The following PLEKHA7 variants were observed in gnomAD, a reference collection of about 807,000 sequenced individuals.
PLEKHA7 encodes pleckstrin homology domain-containing family A member 7.
A neutral mutation model predicts 170.0 loss-of-function variants in PLEKHA7; 104 were observed. That is an observed-to-expected ratio of 0.61 (90% CI 0.52 to 0.72). The LOEUF (loss-of-function observed/expected upper bound fraction) is 0.72, where lower values mean the gene tolerates loss of function less well. Ranked by LOEUF, PLEKHA7 falls within the 30% of genes least tolerant of loss-of-function variation. PLEKHA7 has a pLI of 0.00. For synonymous variants in PLEKHA7, 648 were observed against 660.8 expected, an observed-to-expected ratio of 0.98 and a Z score of 0.30; for missense variants, 1,615 against 1,671.7, an observed-to-expected ratio of 0.97 and a Z score of 0.59.
intron 3 of PLEKHA7, among the ~76,000 whole-genome samples, chr11:16,998,087 C>A (rs1346234140): frequency 6.6e-6 from 1 of 152,208 alleles, no homozygotes; most frequent in African/African-American, 2.4e-5. Flanking sequence ...GATAACCGTA[C>A]CTACCTTATA....
intron 3 of PLEKHA7, among the ~76,000 whole-genome samples, chr11:16,887,150 T>C (rs1856174492): frequency 6.6e-6 from 1 of 152,098 alleles, no homozygotes; most frequent in South Asian, 2.1e-4. Context: ...AATGAAAATT[T>C]CATTGAAGGA....
intron 6 of PLEKHA7, among the ~76,000 whole-genome samples, chr11:16,853,005 CAG>C (rs1853108658): frequency 1.3e-5 from 2 of 152,186 alleles, no homozygotes; most frequent in Non-Finnish European, 2.9e-5. Context: ...GGCAGGAAAA[CAG>C]AATGTTTTGG....
Position 16,791,083 on chromosome 11 carries a change from C to T in PLEKHA7, c.2862G>A (p.Arg954=), listed in dbSNP as rs1847816587. Residue 954 remains arginine, a synonymous_variant, in exon 20 of 27, where the codon CGG becomes CGA. Transcript: ENST00000531066. The surrounding 1 kb of genome is among the most constrained non-coding windows in gnomAD (Gnocchi z 4.5). ...EATIIRHTSV[R]GLKRQSDERK... is the part of the protein sequence containing the mutation. ...TCTCGTCTGACTGCCGCTTGAGGCCCCGCACAGATGTGTGCCGGATGATGG... is the reference window on the plus strand; with the variant it reads ...TCTCGTCTGACTGCCGCTTGAGGCCTCGCACAGATGTGTGCCGGATGATGG... 6.2e-7 allele frequency: 1 copy of T among 1,614,058 alleles called. No homozygotes were observed. Among genetic ancestry groups the T allele is most frequent in the African/African-American group, 1.3e-5 (1 of 74,926 alleles).
rs528036059 is a variant in PLEKHA7, at chr11:16,960,537, G to A, written c.221+53452C>T. 2.0e-5 allele frequency among the ~76,000 whole-genome samples: 3 copies of A among 152,152 alleles called. No individual in the cohort carries two copies. In the South Asian group the frequency reaches 6.2e-4, roughly 32 times the overall value. On this transcript the variant is annotated intron_variant, in intron 3 of 26. Transcript: ENST00000531066. ...CACAGATGAGGCAAGCGTCGCCCTA[G>A]GGGTTCTAGGAAGGCCCTTCCCTCA...
At chr11:16,810,591 C>G in intron 13 of PLEKHA7, among the ~76,000 whole-genome samples, 1 of 152,316 alleles carries the variant, frequency 6.6e-6, no homozygotes, top group South Asian at 2.1e-4. Context: ...GGTATCAACA[C>G]AGTTGTTTTC....
chr11:17,013,947 C>G (rs746448436), intron 3 of PLEKHA7, 42 bp downstream of exon 3: 20 of 1,358,796 alleles, frequency 1.5e-5, no homozygotes, highest in Non-Finnish European at 1.8e-5. Context: ...GGGACCCCCC[C>G]CCCGCGGCAC....
intron 3 of PLEKHA7, chr11:16,974,934 T>C: frequency 1.3e-6 from 1 of 774,422 alleles, no homozygotes; most frequent in African/African-American, 3.9e-5. Flanking sequence ...CTTGCCCTTC[T>C]TGTACTGTGT....
intron 3 of PLEKHA7, among the ~76,000 whole-genome samples, chr11:16,892,855 GT>G (rs1856755686): frequency 6.6e-6 from 1 of 152,112 alleles, no homozygotes; most frequent in Admixed American, 6.5e-5. Flanking sequence ...ACTTCTGACA[GT>G]TCTGGAGGCT....
intron 21 of PLEKHA7, chr11:16,790,531 T>C (rs953999598): frequency 4.6e-6 from 2 of 439,202 alleles, no homozygotes; most frequent in African/African-American, 2.0e-5. Context: ...ATCATGTCTA[T>C]ATAAAGTGCT....
intron 23 of PLEKHA7, 151 bp downstream of exon 23, chr11:16,788,945 G>T (rs747518336): frequency 2.0e-6 from 2 of 977,534 alleles, no homozygotes; most frequent in South Asian, 1.6e-5. Flanking sequence ...AGCCTGGGTC[G>T]TGGACAAACA....
At chr11:16,831,424 C>A (rs180686766) in intron 9 of PLEKHA7, among the ~76,000 whole-genome samples, 391 of 152,296 alleles carry the variant, frequency 2.6e-3, no homozygotes, top group Non-Finnish European at 3.7e-3. Context: ...AAGCACCCCT[C>A]GGCCGTCAAT....
chr11:16,864,665 G>A (rs1364807316), intron 4 of PLEKHA7, among the ~76,000 whole-genome samples: 1 of 152,142 alleles, frequency 6.6e-6, no homozygotes, highest in Admixed American at 6.5e-5. Flanking sequence ...TTATAAAGGG[G>A]AGTTCCCCTG....
chr11:16,824,285 G>A (rs762091500), intron 10 of PLEKHA7, among the ~76,000 whole-genome samples: 19 of 152,212 alleles, frequency 1.2e-4, no homozygotes, highest in Admixed American at 4.6e-4. Context: ...CTATAATCTC[G>A]GCACTTTGGG....
chr11:16,809,600 A>G (rs542805850), intron 13 of PLEKHA7, among the ~76,000 whole-genome samples: 1 of 152,300 alleles, frequency 6.6e-6, no homozygotes, highest in South Asian at 2.1e-4. Flanking sequence ...ACTCAGGGAC[A>G]TTTTGTCCAG....
At chr11:16,975,094 C>A in intron 3 of PLEKHA7, 2 of 586,040 alleles carry the variant, frequency 3.4e-6, no homozygotes, top group Non-Finnish European at 4.9e-6. Context: ...TATGAGATTT[C>A]ATCACATGCA....
At chr11:17,007,062 T>C (rs1215956381) in intron 3 of PLEKHA7, among the ~76,000 whole-genome samples, 1 of 152,244 alleles carries the variant, frequency 6.6e-6, no homozygotes, top group African/African-American at 2.4e-5. Flanking sequence ...GGTTCTTAAC[T>C]GCCCACTCCC....
chr11:16,794,955 T>C lies in PLEKHA7; in HGVS notation c.2473A>G (p.Asn825Asp). Residue 825 changes from asparagine to aspartate, a missense_variant, in exon 18 of 27, where the codon AAT becomes GAT. Transcript: ENST00000531066. ...ACTAGAATTCTGAAGTTCTCTTTAT[T>C]TGCACTCAGGCCTGCAGTGACATCT... is the stretch of plus-strand genomic sequence containing the variant. The part of the protein sequence containing the change: ...IEDVTAGLSA[N>D]KENFRILVES... 5 of 1,613,994 alleles carry C rather than the reference T, an allele frequency of 3.1e-6. No homozygotes were observed. Among genetic ancestry groups the C allele is most frequent in the Non-Finnish European group, 4.2e-6 (5 of 1,179,906 alleles).
chr11:16,975,391 G>A (rs567967765), intron 3 of PLEKHA7, among the ~76,000 whole-genome samples: 5 of 152,134 alleles, frequency 3.3e-5, no homozygotes, highest in Admixed American at 6.5e-5. Context: ...TAAGTAAATC[G>A]TAATTCAACT....
At chr11:16,842,692 C>T (rs556395686) in intron 8 of PLEKHA7, 1 of 151,724 alleles carries the variant, frequency 6.6e-6, no homozygotes, top group East Asian at 1.9e-4. Context: ...ACCAGTTTTT[C>T]CCCTTGTGCT....
Sources: gnomAD v4.1 joint callset for allele counts (sites outside exome capture counted in the v4.1 genomes callset) on GRCh38, gnomAD v4.1.1 for gene constraint, Gnocchi (gnomAD v3.1) non-coding constraint, MANE v1.5 for transcripts, NCBI Gene and HGNC (gene_info 2026-07-23, HGNC 2026-07-21) for gene names.